Variants in RAB33A observed in about 807,000 individuals in gnomAD.
RAB33A encodes the protein ras-related protein Rab-33A.
RAB33A carries 6 observed loss-of-function variants against 12.0 expected under a neutral mutation model. That is an observed-to-expected ratio of 0.50 (90% CI 0.27 to 0.99). The LOEUF (loss-of-function observed/expected upper bound fraction) is 0.99, where lower values mean the gene tolerates loss of function less well. RAB33A is among the 50% of genes least tolerant of loss of function. The pLI, the probability that RAB33A is intolerant of heterozygous loss-of-function variation, is 0.11. For synonymous variants in RAB33A, 70 were observed against 82.4 expected, an observed-to-expected ratio of 0.85 and a Z score of 0.81; for missense variants, 109 against 192.0, an observed-to-expected ratio of 0.57 and a Z score of 2.55.
upstream of RAB33A, among the ~76,000 whole-genome samples, chrX:130,167,281 T>C: frequency 8.9e-6 from 1 of 112,988 alleles, no homozygotes; most frequent in African/African-American, 3.2e-5. Flanking sequence ...CTCATTTTCC[T>C]CATCTACAAA....
chrX:130,142,411 T>C, the RAB33A span, among the ~76,000 whole-genome samples: 1 of 111,380 alleles, frequency 9.0e-6, no homozygotes, highest in Non-Finnish European at 1.9e-5. Flanking sequence ...TATGTTCTAT[T>C]GTATTGCAAA....
At chrX:130,153,674 GGGAAGACACC>G in the RAB33A span, among the ~76,000 whole-genome samples, 1 of 110,536 alleles carries the variant, frequency 9.0e-6, no homozygotes, top group South Asian at 3.9e-4. Context: ...ATACAGGAAG[GGGAAGACACC>G]GGAGTTCCCT....
chrX:130,141,282 GT>G, the RAB33A span, among the ~76,000 whole-genome samples: 1 of 111,841 alleles, frequency 8.9e-6, no homozygotes, highest in African/African-American at 3.2e-5. Context: ...CTGGTACCCA[GT>G]TTTTTTAGGC....
chrX:130,181,440 C>T (rs1178617782), intron 1 of RAB33A, among the ~76,000 whole-genome samples: 1 of 112,091 alleles, frequency 8.9e-6, no homozygotes, highest in Non-Finnish European at 1.9e-5. Context: ...TGTATAGGGC[C>T]TTGGGACCAT....
the RAB33A span, chrX:130,129,641 G>A: frequency 9.2e-6 from 11 of 1,196,899 alleles, no homozygotes; most frequent in African/African-American, 1.2e-4. Context: ...GAGGGAGAGA[G>A]AGTAACAATA....
the RAB33A span, chrX:130,137,388 A>G: frequency 3.5e-6 from 4 of 1,157,020 alleles, no homozygotes; most frequent in Non-Finnish European, 3.5e-6. Flanking sequence ...CAGGTATCAG[A>G]ACTGCTGGCC....
the RAB33A span, among the ~76,000 whole-genome samples, chrX:130,146,451 ATGTGTGTGTGTGTGTGTGTGTGTGTG>A: frequency 1.1e-5 from 1 of 89,435 alleles, no homozygotes; most frequent in African/African-American, 4.2e-5. Flanking sequence ...CTCTCAAAAT[ATGTGTGTGTGTGTGTGTGTGTGTGTG>A]TGTGTGTGTG....
At chrX:130,113,073 CCTTCTTTTTTTTTT>C in the RAB33A span, among the ~76,000 whole-genome samples, 1 of 70,622 alleles carries the variant, frequency 1.4e-5, no homozygotes, top group Non-Finnish European at 2.6e-5. Flanking sequence ...TTTTTTTTTT[CCTTCTTTTTTTTTT>C]TTTTTTTTTT....
At chrX:130,151,788 T>A in the RAB33A span, among the ~76,000 whole-genome samples, 2 of 112,027 alleles carry the variant, frequency 1.8e-5, no homozygotes, top group Admixed American at 1.9e-4. Flanking sequence ...TGCCTATAAT[T>A]CCAGCACTTT....
chrX:130,121,833 C>T, the RAB33A span, among the ~76,000 whole-genome samples: 2 of 112,537 alleles, frequency 1.8e-5, no homozygotes, highest in Non-Finnish European at 3.8e-5. Context: ...GATCCCCTTC[C>T]CTCTTCAGAA....
the RAB33A span, among the ~76,000 whole-genome samples, chrX:130,128,301 G>A: frequency 6.3e-5 from 7 of 111,487 alleles, no homozygotes; most frequent in Non-Finnish European, 1.1e-4. Flanking sequence ...GGCCGGGCGC[G>A]GTGACTCACA....
the RAB33A span, among the ~76,000 whole-genome samples, chrX:130,112,478 G>A: frequency 1.8e-5 from 2 of 112,285 alleles, no homozygotes; most frequent in Non-Finnish European, 3.8e-5. Context: ...GACAGACCTG[G>A]GTTCCTATTC....
At chrX:130,161,742 G>A in the RAB33A span, among the ~76,000 whole-genome samples, 1 of 107,847 alleles carries the variant, frequency 9.3e-6, no homozygotes, top group Non-Finnish European at 1.9e-5. Flanking sequence ...CGAGTAGCAG[G>A]GATTACAGGC....
chrX:130,136,972 G>A, the RAB33A span: 2 of 1,195,129 alleles, frequency 1.7e-6, no homozygotes. Flanking sequence ...CATTTTACAG[G>A]CCAGGTGATA....
the RAB33A span, chrX:130,129,849 C>T: frequency 6.4e-6 from 6 of 932,020 alleles, no homozygotes; most frequent in Non-Finnish European, 9.3e-6. Context: ...TACCTTTGTT[C>T]TGCTCAGGCA....
chrX:130,169,225 G>A (rs1603233869), upstream of RAB33A, among the ~76,000 whole-genome samples: 2 of 101,876 alleles, frequency 2.0e-5, no homozygotes, highest in African/African-American at 3.6e-5. Context: ...AAAAAAAAAA[G>A]TATCAATTCC....
intron 1 of RAB33A, among the ~76,000 whole-genome samples, chrX:130,181,050 G>A (rs1304200449): frequency 1.0e-5 from 1 of 96,568 alleles, no homozygotes; most frequent in African/African-American, 4.0e-5. Flanking sequence ...CAAGCGAGCA[G>A]TGTTCAGGAG....
At chrX:130,139,808 G>A in the RAB33A span, 8 of 1,208,251 alleles carry the variant, frequency 6.6e-6, no homozygotes, top group Non-Finnish European at 9.0e-6. Flanking sequence ...TCTGAAAAGC[G>A]TTGTTCTACT....
chrX:130,137,725 T>C, the RAB33A span: 333 of 1,055,345 alleles, frequency 3.2e-4, 1 homozygote, highest in African/African-American at 6.0e-3. Flanking sequence ...ATTTTATTTC[T>C]AAGGAGTCCT....
Sources: gnomAD v4.1 joint callset for allele counts (sites outside exome capture counted in the v4.1 genomes callset) on GRCh38, gnomAD v4.1.1 for gene constraint, MANE v1.5 for transcripts, NCBI Gene and HGNC (gene_info 2026-07-23, HGNC 2026-07-21) for gene names.